Variants in MAPRE2 observed in about 807,000 individuals in gnomAD.
MAPRE2 encodes the protein microtubule-associated protein RP/EB family member 2.
In MAPRE2, 13 loss-of-function variants were observed where a neutral mutation model predicts 43.2. The ratio of observed to expected loss-of-function variants is 0.30; its 90% CI spans 0.20 to 0.48. The LOEUF is 0.48. MAPRE2 is among the 20% of genes least tolerant of loss of function. MAPRE2 has a pLI of 0.99. For missense variants in MAPRE2, 161 were observed against 400.2 expected (o/e 0.40, Z 5.10); for synonymous variants, 135 against 148.8 (o/e 0.91, Z 0.68).
At chr18:35,039,553 A>G (rs1260622231), upstream of MAPRE2, among the ~76,000 whole-genome samples, 1 of 152,238 alleles carries the variant, frequency 6.6e-6, no homozygotes, top group African/African-American at 2.4e-5. Flanking sequence ...TAAAATTATT[A>G]AAATAATAGC....
intron 5 of MAPRE2, among the ~76,000 whole-genome samples, chr18:35,128,515 G>C (rs1367288266): frequency 6.6e-6 from 1 of 152,152 alleles, no homozygotes; most frequent in Non-Finnish European, 1.5e-5. Context: ...ATTAAAAACA[G>C]TACAACATAA....
At chr18:35,057,481 C>T (rs1321793446) in intron 1 of MAPRE2, among the ~76,000 whole-genome samples, 2 of 140,574 alleles carry the variant, frequency 1.4e-5, no homozygotes, top group African/African-American at 2.7e-5. Context: ...AGAAGGAGAG[C>T]AGAGAGATAC....
intron 1 of MAPRE2, among the ~76,000 whole-genome samples, chr18:35,052,489 C>T (rs780064314): frequency 5.3e-5 from 8 of 152,022 alleles, no homozygotes; most frequent in Non-Finnish European, 8.8e-5. Context: ...TTTATGTTTC[C>T]AGTTTTTAGG....
In MAPRE2 at chr18:35,102,236, T is replaced by G. The variant is rs375507096; in HGVS notation, c.610+77T>G. 1.5e-5 allele frequency: 16 copies of G among 1,074,436 alleles called. No individual in the cohort carries two copies. The African/African-American group carries it at 1.8e-4, about 12-fold the overall frequency. 66.6% of individuals were successfully genotyped at this position (1,074,436 alleles called of 1,614,324 possible). A position where few individuals can be genotyped will look rare whatever the true frequency, so the allele number is the denominator to read the frequency against. ...AGACCCTTCTGTTATTTACTGTGTG[T>G]TTCTGACTGATTCTTCTCAACAGTC... On this transcript the variant is annotated intron_variant, in intron 4 of 6. Transcript: ENST00000300249.
chr18:35,126,146 CCT>C (rs1348935883), intron 4 of MAPRE2, among the ~76,000 whole-genome samples: 3 of 152,152 alleles, frequency 2.0e-5, no homozygotes, highest in Non-Finnish European at 4.4e-5. Context: ...TCTCCCTCTC[CCT>C]GTCTTCCAGC....
chr18:34,983,876 C>T (rs994897363), intron 1 of MAPRE2, among the ~76,000 whole-genome samples: 3 of 152,184 alleles, frequency 2.0e-5, no homozygotes, highest in East Asian at 3.9e-4. Context: ...GTGATCCACC[C>T]GCCTCAGCCC....
intron 1 of MAPRE2, chr18:34,978,215 C>CA (rs1240074042): frequency 4.8e-5 from 22 of 461,224 alleles, no homozygotes; most frequent in Admixed American, 3.4e-4. Flanking sequence ...TCTCCTTTTC[C>CA]AAAAAAAGAA....
chr18:35,083,735 C>T (rs967219698), intron 2 of MAPRE2, among the ~76,000 whole-genome samples: 4 of 152,134 alleles, frequency 2.6e-5, no homozygotes, highest in South Asian at 2.1e-4. Flanking sequence ...TGAAACTGAG[C>T]GCTGGCCACT....
chr18:35,124,283 C>T (rs1330423760), intron 4 of MAPRE2, among the ~76,000 whole-genome samples: 1 of 152,064 alleles, frequency 6.6e-6, no homozygotes, highest in African/African-American at 2.4e-5. Flanking sequence ...CTTAAAAAAC[C>T]GTCAGATCTC....
chr18:35,034,467 T>C (rs1009919150), intron 2 of MAPRE2, among the ~76,000 whole-genome samples: 8 of 152,194 alleles, frequency 5.3e-5, no homozygotes, highest in Admixed American at 4.6e-4. Flanking sequence ...ACTTCATGTC[T>C]AAAACACCAA....
chr18:35,055,679 G>A (rs371755843), intron 1 of MAPRE2, among the ~76,000 whole-genome samples: 1 of 152,260 alleles, frequency 6.6e-6, no homozygotes. Context: ...AGGGCCAGAT[G>A]TGGTGGCTCA....
intron 2 of MAPRE2, among the ~76,000 whole-genome samples, chr18:35,022,771 A>G (rs2097042732): frequency 6.6e-6 from 1 of 152,238 alleles, no homozygotes; most frequent in Non-Finnish European, 1.5e-5. Flanking sequence ...TAAAGAAAAC[A>G]CAATGAGAAA....
intron 4 of MAPRE2, among the ~76,000 whole-genome samples, chr18:35,125,066 T>C (rs538221462): frequency 6.6e-6 from 1 of 152,332 alleles, no homozygotes; most frequent in Admixed American, 6.5e-5. Flanking sequence ...ACCATTCTCA[T>C]TTTAAAGTAT....
At chr18:35,131,947 T>G in intron 5 of MAPRE2, 85 bp from the exon 6 acceptor site, 1 of 1,279,780 alleles carries the variant, frequency 7.8e-7, no homozygotes, top group Non-Finnish European at 1.1e-6. Flanking sequence ...CTCTCTCTCT[T>G]TTGGGTTTTA....
At chr18:35,138,430 G>A (rs556998633) in intron 6 of MAPRE2, among the ~76,000 whole-genome samples, 2 of 152,122 alleles carry the variant, frequency 1.3e-5, no homozygotes, top group African/African-American at 2.4e-5. Flanking sequence ...GGGGCCTGTC[G>A]GCACGGTAAG....
At chr18:35,073,604 G>A (rs943149569) in intron 2 of MAPRE2, among the ~76,000 whole-genome samples, 2 of 152,020 alleles carry the variant, frequency 1.3e-5, no homozygotes, top group Admixed American at 1.3e-4. Flanking sequence ...GAAGACTTAC[G>A]CTCCAATCCT....
In MAPRE2 at chr18:35,141,676, T is replaced by G. The variant is rs537178058; in HGVS notation, c.*1307T>G. 6.6e-6 allele frequency: 1 copy of G among 152,336 alleles called. No individual in the cohort carries two copies. Among genetic ancestry groups the G allele is most frequent in the South Asian group, 2.1e-4 (1 of 4,832 alleles). 9.4% of individuals were successfully genotyped at this position (152,336 alleles called of 1,614,324 possible). ...TGCCTCTTTTTTTTCTTTATTTTTATTTTTTCCTTTGACAGATGGTATCCC... is the reference window on the plus strand; with the variant it reads ...TGCCTCTTTTTTTTCTTTATTTTTAGTTTTTCCTTTGACAGATGGTATCCC... On this transcript the variant is annotated 3_prime_UTR_variant, in exon 7 of 7. Transcript: ENST00000300249.
At chr18:35,006,861 G>A (rs2150581219) in intron 2 of MAPRE2, among the ~76,000 whole-genome samples, 1 of 152,314 alleles carries the variant, frequency 6.6e-6, no homozygotes, top group East Asian at 1.9e-4. Context: ...TACTCGGGTG[G>A]CTGAGGCACA....
chr18:35,083,810 T>A (rs1907751352), intron 2 of MAPRE2, among the ~76,000 whole-genome samples: 1 of 152,180 alleles, frequency 6.6e-6, no homozygotes, highest in Admixed American at 6.5e-5. Context: ...GCCAGTAAAA[T>A]CTCTATTTTC....
Sources: allele counts gnomAD v4.1 joint callset (sites outside exome capture counted in the v4.1 genomes callset), GRCh38; gene constraint gnomAD v4.1.1; transcripts MANE v1.5; gene names NCBI Gene and HGNC (gene_info 2026-07-23, HGNC 2026-07-21).